Variants in TDRD9 observed in about 807,000 individuals in gnomAD.
The protein encoded by TDRD9 is tudor domain containing 9, also known as ATP-dependent RNA helicase TDRD9.
TDRD9 carries 124 observed loss-of-function variants against 172.6 expected under a neutral mutation model. The ratio of observed to expected loss-of-function variants is 0.72; its 90% CI spans 0.62 to 0.83. TDRD9 has a LOEUF of 0.83. Ranked by LOEUF, TDRD9 falls within the 40% of genes least tolerant of loss-of-function variation. The pLI is 0.00. For missense variants in TDRD9, 1,479 were observed against 1,714.1 expected (o/e 0.86, Z 2.42); for synonymous variants, 619 against 617.1 (o/e 1.00, Z -0.05).
rs200987644 is a variant in TDRD9 at position 104,025,599 on chromosome 14, T to C, written c.2754T>C (p.Ile918=). 9 of 1,614,014 alleles carry C rather than the reference T, an allele frequency of 5.6e-6. No homozygotes were observed. In the East Asian group the frequency reaches 1.8e-4, roughly 32 times the overall value. ...VEVGHFWGYR[I]DENNSEILKK... ...TGGGACACTTTTGGGGATACAGGAT[T>C]GATGAAAACAACTCAGAGATTCTGA... Residue 918 remains isoleucine, a synonymous_variant, in exon 26 of 36, where the codon ATT becomes ATC. Coordinates refer to ENST00000409874, the MANE Select transcript of TDRD9 (RefSeq NM_153046.3).
At chr14:104,040,748 T>C (rs2035589488) in intron 33 of TDRD9, among the ~76,000 whole-genome samples, 1 of 152,212 alleles carries the variant, frequency 6.6e-6, no homozygotes, top group Admixed American at 6.5e-5. Context: ...GTGACCATGC[T>C]GAGCAGAGGG....
intron 8 of TDRD9, among the ~76,000 whole-genome samples, chr14:103,989,974 C>T (rs2033809318): frequency 6.6e-6 from 1 of 152,238 alleles, no homozygotes; most frequent in Admixed American, 6.5e-5. Flanking sequence ...GCCATTTCCA[C>T]ATCCCTGACC....
chr14:103,975,455 A>G lies in TDRD9; in HGVS notation c.913A>G (p.Asn305Asp). The G allele has an allele frequency of 6.2e-7, 1 of 1,613,978 alleles. No individual in the cohort carries two copies. The highest frequency in any genetic ancestry group is 8.5e-7 in the Non-Finnish European group (1 of 1,179,880). Residue 305 changes from asparagine to aspartate, a missense_variant, in exon 7 of 36, where the codon AAC becomes GAC. Coordinates refer to ENST00000409874, the MANE Select transcript of TDRD9 (RefSeq NM_153046.3). ...AGACTACTTTGCTGTTCCTGTTCAAAACAAGATGAATCCTGCATATATTTT... is the reference window on the plus strand; with the variant it reads ...AGACTACTTTGCTGTTCCTGTTCAAGACAAGATGAATCCTGCATATATTTT... The part of the protein sequence containing the change: ...FADYFAVPVQ[N>D]KMNPAYIFEV...
intron 34 of TDRD9, among the ~76,000 whole-genome samples, chr14:104,044,748 T>C (rs901031434): frequency 9.2e-5 from 14 of 152,258 alleles, no homozygotes; most frequent in African/African-American, 2.7e-4. Context: ...CTGCTATGAA[T>C]AGTCACATAC....
rs962844982 is a variant in TDRD9 at position 103,980,264 on chromosome 14, C to T, written c.1011+4711C>T. Among the ~76,000 whole-genome samples, 6 of 151,932 alleles carry T rather than the reference C, an allele frequency of 3.9e-5. No homozygotes were observed. The highest frequency in any genetic ancestry group is 6.6e-5 in the Admixed American group (1 of 15,258). ...AAGACGCAGAGACCAGTAGTGGCCC[C>T]GAATGCCAGGCTGCGCTGATATTTA... On this transcript the variant is annotated intron_variant, in intron 7 of 35. Coordinates refer to ENST00000409874, the MANE Select transcript of TDRD9 (RefSeq NM_153046.3). The surrounding 1 kb of genome is among the most constrained non-coding windows in gnomAD (Gnocchi z 4.5).
chr14:103,955,845 C>T lies in TDRD9; in HGVS notation c.322+75C>T, dbSNP rs1177835047. On this transcript the variant is annotated intron_variant, in intron 2 of 35. Coordinates refer to ENST00000409874, the MANE Select transcript of TDRD9 (RefSeq NM_153046.3). ...ATGCTAAAATATTAGGTTCATAGTG[C>T]ATGCCTGTAATTCCAGCTACTCAGG... 22 of 1,251,874 alleles carry T rather than the reference C, an allele frequency of 1.8e-5. No homozygotes were observed. The East Asian group carries it at 5.9e-4, about 33-fold the overall frequency. 77.5% of individuals were successfully genotyped at this position (1,251,874 alleles called of 1,614,324 possible). A position where few individuals can be genotyped will look rare whatever the true frequency, so the allele number is the denominator to read the frequency against.
chr14:104,024,206 G>A (rs1253215615), intron 24 of TDRD9, among the ~76,000 whole-genome samples: 1 of 152,126 alleles, frequency 6.6e-6, no homozygotes, highest in Non-Finnish European at 1.5e-5. Flanking sequence ...GAAAACACAA[G>A]TTAGGAAACA....
chr14:103,968,228 C>G (rs2032839969), intron 5 of TDRD9, among the ~76,000 whole-genome samples: 1 of 152,248 alleles, frequency 6.6e-6, no homozygotes, highest in South Asian at 2.1e-4. Flanking sequence ...GGAGCGGTAA[C>G]CAACAGAAGA....
At chr14:104,027,417 A>T (rs2035156509) in intron 28 of TDRD9, among the ~76,000 whole-genome samples, 1 of 152,136 alleles carries the variant, frequency 6.6e-6, no homozygotes, top group Non-Finnish European at 1.5e-5. Context: ...TTAAAAATGG[A>T]TTCCAAGATT....
chr14:104,033,671 A>C (rs1425513177), intron 30 of TDRD9, among the ~76,000 whole-genome samples: 2 of 151,882 alleles, frequency 1.3e-5, no homozygotes, highest in East Asian at 3.9e-4. Flanking sequence ...GTGGAGGTGG[A>C]GGTTCGGGCA....
chr14:104,035,069 C>T lies in TDRD9; in HGVS notation c.3716+13C>T. The T allele has an allele frequency of 6.5e-7, 1 of 1,547,348 alleles. No individual in the cohort carries two copies. Among genetic ancestry groups the T allele is most frequent in the Admixed American group, 2.0e-5 (1 of 50,990 alleles). The stretch of plus-strand genomic sequence containing the variant: ...TGATAGAGTTAAGGTACGGGCATCC[C>T]TCTTGTCTATAGGCTTTGTAAAATA... On this transcript the variant is annotated intron_variant, in intron 32 of 35. Coordinates refer to ENST00000409874, the MANE Select transcript of TDRD9 (RefSeq NM_153046.3).
rs1319125087 is a variant in TDRD9, at chr14:103,980,255, T to C, written c.1011+4702T>C. Among the ~76,000 whole-genome samples, 1 of 151,580 alleles carries C rather than the reference T, an allele frequency of 6.6e-6. No homozygotes were observed. The highest frequency in any genetic ancestry group is 1.5e-5 in the Non-Finnish European group (1 of 67,904). On this transcript the variant is annotated intron_variant, in intron 7 of 35. Transcript: ENST00000409874. The surrounding 1 kb of genome is among the most constrained non-coding windows in gnomAD (Gnocchi z 4.5). The stretch of plus-strand genomic sequence containing the variant: ...ACTACCACCAAGACGCAGAGACCAG[T>C]AGTGGCCCCGAATGCCAGGCTGCGC...
At chr14:103,939,819 T>C (rs2475775) in intron 1 of TDRD9, 18 of 141,164 alleles carry the variant, frequency 1.3e-4, no homozygotes, top group African/African-American at 4.7e-4. Flanking sequence ...TGATCATAGC[T>C]CACTGCAGCC....
chr14:103,988,649 T>C (rs1331829348), intron 8 of TDRD9, among the ~76,000 whole-genome samples: 1 of 152,114 alleles, frequency 6.6e-6, no homozygotes, highest in Non-Finnish European at 1.5e-5. Flanking sequence ...TCTCTTTTAC[T>C]GCTTTCTTTT....
chr14:104,029,011 G>A (rs1199514200), intron 28 of TDRD9, among the ~76,000 whole-genome samples: 8 of 152,038 alleles, frequency 5.3e-5, no homozygotes, highest in Admixed American at 5.2e-4. Flanking sequence ...TTTATTTCTG[G>A]GTTCTCTATT....
intron 32 of TDRD9, among the ~76,000 whole-genome samples, chr14:104,038,286 C>T: frequency 6.6e-6 from 1 of 152,162 alleles, no homozygotes; most frequent in East Asian, 1.9e-4. Context: ...TATGTACCCA[C>T]AAAAATTAAA....
intron 6 of TDRD9, among the ~76,000 whole-genome samples, chr14:103,974,310 G>C (rs1237431623): frequency 6.6e-6 from 1 of 152,190 alleles, no homozygotes; most frequent in Non-Finnish European, 1.5e-5. Flanking sequence ...CACTCCCCAC[G>C]TAGCATTATG....
At chr14:103,954,242 C>T (rs2032085392) in intron 1 of TDRD9, among the ~76,000 whole-genome samples, 1 of 152,158 alleles carries the variant, frequency 6.6e-6, no homozygotes, top group South Asian at 2.1e-4. Context: ...TTTAGCTTGT[C>T]CCCTGTTGGA....
At chr14:103,995,346 C>G (rs935779772) in intron 11 of TDRD9, among the ~76,000 whole-genome samples, 1 of 152,152 alleles carries the variant, frequency 6.6e-6, no homozygotes, top group African/African-American at 2.4e-5. Context: ...ACGTCGCCCC[C>G]CTTGATTGCT....
Sources: allele counts gnomAD v4.1 joint callset (sites outside exome capture counted in the v4.1 genomes callset), GRCh38; gene constraint gnomAD v4.1.1; non-coding constraint Gnocchi (gnomAD v3.1); transcripts MANE v1.5; gene names NCBI Gene and HGNC (gene_info 2026-07-23, HGNC 2026-07-21).